Variants in KLF12 observed in about 807,000 individuals in gnomAD.
The protein encoded by KLF12 is Krueppel-like factor 12.
A neutral mutation model predicts 37.8 loss-of-function variants in KLF12; 9 were observed. The ratio of observed to expected loss-of-function variants is 0.24; its 90% CI spans 0.14 to 0.42. KLF12 has a LOEUF of 0.42. Ranked by LOEUF, KLF12 falls within the 10% of genes least tolerant of loss-of-function variation. The pLI, the probability that KLF12 is intolerant of heterozygous loss-of-function variation, is 1.00. For missense variants in KLF12, 411 were observed against 516.0 expected (o/e 0.80, Z 1.97); for synonymous variants, 208 against 202.1 (o/e 1.03, Z -0.25).
chr13:73,735,856 TGA>T, intron 6 of KLF12, among the ~76,000 whole-genome samples: 1 of 152,130 alleles, frequency 6.6e-6, no homozygotes, highest in South Asian at 2.1e-4. Context: ...GGGTGCACAG[TGA>T]GAGATAAGGA....
intron 6 of KLF12, among the ~76,000 whole-genome samples, chr13:73,734,355 C>T (rs1877291314): frequency 6.6e-6 from 1 of 152,072 alleles, no homozygotes; most frequent in South Asian, 2.1e-4. Flanking sequence ...TGTTCATAAT[C>T]CATCTCTCTC....
chr13:73,849,103 T>C (rs147274826), intron 3 of KLF12, among the ~76,000 whole-genome samples: 170 of 152,270 alleles, frequency 1.1e-3, no homozygotes, highest in African/African-American at 3.8e-3. Context: ...TGCAAAAATA[T>C]GGTCTCAAAA....
Position 73,849,734 on chromosome 13 carries a change from G to A in KLF12, c.124-3361C>T, listed in dbSNP as rs372873974. Among the ~76,000 whole-genome samples, 69 of 152,304 alleles carry A rather than the reference G, an allele frequency of 4.5e-4. 1 individual carries two copies. The East Asian group carries it at 8.7e-3, about 19-fold the overall frequency. On this transcript the variant is annotated intron_variant, in intron 3 of 7. Coordinates refer to ENST00000377669, the MANE Select transcript of KLF12 (RefSeq NM_007249.5). ...AATTCCATACTAACATTTTGCCCTT[G>A]TTTAGTAACTCCTCAATTCTTGATT... is the stretch of plus-strand genomic sequence containing the variant.
upstream of KLF12, among the ~76,000 whole-genome samples, chr13:74,138,109 C>T (rs1878611437): frequency 6.6e-6 from 1 of 152,190 alleles, no homozygotes. Context: ...CCAGATTTAT[C>T]TAAGGTAAAA....
chr13:74,073,709 C>G (rs917831408), intron 1 of KLF12, among the ~76,000 whole-genome samples: 4 of 152,124 alleles, frequency 2.6e-5, no homozygotes, highest in African/African-American at 9.7e-5. Flanking sequence ...GGCCCAAATA[C>G]AAAGTATAAG....
intron 5 of KLF12, among the ~76,000 whole-genome samples, chr13:73,786,637 C>T (rs1481564296): frequency 6.6e-6 from 1 of 151,764 alleles, no homozygotes; most frequent in East Asian, 1.9e-4. Flanking sequence ...AATTCCAACA[C>T]TTTGGGAGGC....
the KLF12 span, among the ~76,000 whole-genome samples, chr13:74,304,054 G>A: frequency 6.6e-6 from 1 of 152,192 alleles, no homozygotes; most frequent in Non-Finnish European, 1.5e-5. Flanking sequence ...GCAGGCTAAT[G>A]AGGGTGCATA....
chr13:73,787,438 T>A (rs191434616), intron 5 of KLF12, among the ~76,000 whole-genome samples: 14 of 151,094 alleles, frequency 9.3e-5, no homozygotes, highest in Admixed American at 6.6e-5. Flanking sequence ...AGGTCCTCAA[T>A]AGATACTTTA....
intron 3 of KLF12, among the ~76,000 whole-genome samples, chr13:73,933,946 A>G (rs1889803421): frequency 6.6e-6 from 1 of 152,138 alleles, no homozygotes; most frequent in South Asian, 2.1e-4. Context: ...AGATGTCTAG[A>G]GCTTTTTTCA....
intron 3 of KLF12, among the ~76,000 whole-genome samples, chr13:73,896,090 G>T (rs7327693): frequency 2.0e-5 from 3 of 151,816 alleles, no homozygotes; most frequent in Admixed American, 6.6e-5. Flanking sequence ...TAAAGTTCTG[G>T]GATAGAAATC....
rs537552131 is a variant in KLF12 at position 73,764,479 on chromosome 13, A to T, written c.869+459T>A. Among the ~76,000 whole-genome samples, 373 of 44,152 alleles carry T rather than the reference A, an allele frequency of 8.4e-3. 3 individuals carry two copies. Among genetic ancestry groups the T allele is most frequent in the South Asian group, 0.067 (67 of 1,004 alleles). The allele number at this position is 44,152 out of a possible 152,430, so 29.0% of individuals were successfully genotyped here. A position where few individuals can be genotyped will look rare whatever the true frequency, so the allele number is the denominator to read the frequency against. ...GAAGATCTTAGTACTCCCCAAATTAAAAAAAAAAAAAATCCTGGATATTTA... is the reference window on the plus strand; with the variant it reads ...GAAGATCTTAGTACTCCCCAAATTATAAAAAAAAAAAATCCTGGATATTTA... On this transcript the variant is annotated intron_variant, in intron 6 of 7. Coordinates refer to ENST00000377669, the MANE Select transcript of KLF12 (RefSeq NM_007249.5).
chr13:73,994,773 C>T (rs1376496046), intron 2 of KLF12, among the ~76,000 whole-genome samples: 1 of 152,128 alleles, frequency 6.6e-6, no homozygotes, highest in Non-Finnish European at 1.5e-5. Context: ...AAAAGAATTA[C>T]AGCTAGACTT....
intron 4 of KLF12, 64 bp downstream of exon 4, chr13:73,845,763 T>C: frequency 2.7e-6 from 4 of 1,458,100 alleles, no homozygotes; most frequent in Non-Finnish European, 3.8e-6. Context: ...TTAGGTTTTG[T>C]TCACTGCAAA....
intron 3 of KLF12, among the ~76,000 whole-genome samples, chr13:73,909,698 T>A (rs1332158745): frequency 7.9e-5 from 12 of 152,322 alleles, no homozygotes; most frequent in Non-Finnish European, 2.9e-5. Flanking sequence ...ATACCAGGCA[T>A]CCACTAGGTC....
the KLF12 span, among the ~76,000 whole-genome samples, chr13:74,217,760 C>G: frequency 4.6e-5 from 7 of 152,092 alleles, no homozygotes; most frequent in South Asian, 6.2e-4. Context: ...AAACAAAGCC[C>G]ATGAACATGT....
the KLF12 span, among the ~76,000 whole-genome samples, chr13:74,171,701 A>T: frequency 6.6e-6 from 1 of 152,222 alleles, no homozygotes; most frequent in African/African-American, 2.4e-5. Context: ...TGGAAAGAAA[A>T]TTGTCTCCAG....
chr13:74,099,825 T>C (rs1262794133), intron 1 of KLF12, among the ~76,000 whole-genome samples: 1 of 40,316 alleles, frequency 2.5e-5, no homozygotes, highest in African/African-American at 4.1e-5. Flanking sequence ...AGGATAAACA[T>C]TCTTTTTATT....
chr13:73,817,632 A>G (rs1261346821), intron 4 of KLF12, among the ~76,000 whole-genome samples: 1 of 152,202 alleles, frequency 6.6e-6, no homozygotes, highest in Admixed American at 6.5e-5. Flanking sequence ...CTTGACGTGG[A>G]AACAGACCGT....
At chr13:73,837,902 T>C (rs192023086) in intron 4 of KLF12, among the ~76,000 whole-genome samples, 5 of 152,254 alleles carry the variant, frequency 3.3e-5, no homozygotes, top group Admixed American at 3.3e-4. Flanking sequence ...TATTCTGTCA[T>C]ATGGATGGGT....
Sources: allele counts gnomAD v4.1 joint callset (sites outside exome capture counted in the v4.1 genomes callset), GRCh38; gene constraint gnomAD v4.1.1; transcripts MANE v1.5; gene names NCBI Gene and HGNC (gene_info 2026-07-23, HGNC 2026-07-21).